NDEL1: variants seen among roughly 807,000 people sequenced by gnomAD.
The protein encoded by NDEL1 is nuclear distribution protein nudE-like 1.
NDEL1 carries 9 observed loss-of-function variants against 45.7 expected under a neutral mutation model. That is an observed-to-expected ratio of 0.20 (90% CI 0.12 to 0.34). The LOEUF is 0.34. Among genes scored for constraint, NDEL1 ranks in the 10% least tolerant of loss-of-function variants. The pLI is 1.00. For synonymous variants in NDEL1, 133 were observed against 158.6 expected (o/e 0.84, Z 1.21); for missense variants, 306 against 406.2 (o/e 0.75, Z 2.12).
chr17:8,459,931 T>C, intron 7 of NDEL1, 78 bp from the exon 8 acceptor site: 2 of 1,448,518 alleles, frequency 1.4e-6, no homozygotes, highest in African/African-American at 1.4e-5. Flanking sequence ...AGGCTTGAAA[T>C]AGAAATGGTT....
intron 1 of NDEL1, among the ~76,000 whole-genome samples, chr17:8,418,983 A>G (rs4791702): frequency 0.39 from 59,187 of 151,518 alleles, 11,731 homozygotes; most frequent in Non-Finnish European, 0.41. Flanking sequence ...CAAGTAGCTG[A>G]GACTATAAGC....
downstream of NDEL1, among the ~76,000 whole-genome samples, chr17:8,469,141 C>T (rs573331798): frequency 6.6e-6 from 1 of 152,172 alleles, no homozygotes. Flanking sequence ...TCTCCAGGGA[C>T]ACTCGCGGTG....
intron 2 of NDEL1, chr17:8,444,580 C>G: frequency 2.4e-6 from 1 of 410,270 alleles, no homozygotes; most frequent in Non-Finnish European, 4.4e-6. Context: ...GGAAAACTGT[C>G]ATTTATGATT....
downstream of NDEL1, among the ~76,000 whole-genome samples, chr17:8,471,678 T>G (rs954227320): frequency 1.3e-5 from 2 of 152,256 alleles, no homozygotes; most frequent in Admixed American, 1.3e-4. Flanking sequence ...GTAGCTATAG[T>G]GAATGCCTTT....
intron 8 of NDEL1, chr17:8,462,737 G>A (rs574749293): frequency 3.3e-5 from 5 of 152,458 alleles, no homozygotes; most frequent in African/African-American, 1.2e-4. Context: ...GCACCGTGGT[G>A]ATGGCTCACT....
chr17:8,470,078 C>T (rs930572049), downstream of NDEL1, among the ~76,000 whole-genome samples: 13 of 152,000 alleles, frequency 8.6e-5, no homozygotes, highest in Admixed American at 5.2e-4. This position sits in a 1 kb window ranked among gnomAD's most constrained non-coding sequence, Gnocchi z 4.2. Flanking sequence ...CAGCCAACTC[C>T]CTGGCTCATC....
At chr17:8,433,078 T>G (rs1470447793), upstream of NDEL1, among the ~76,000 whole-genome samples, 1 of 151,730 alleles carries the variant, frequency 6.6e-6, no homozygotes, top group African/African-American at 2.4e-5. Flanking sequence ...AAGCGAAGTT[T>G]CATTCTTGGT....
chr17:8,424,278 G>C (rs751857614), intron 1 of NDEL1, among the ~76,000 whole-genome samples: 2 of 152,166 alleles, frequency 1.3e-5, no homozygotes, highest in Admixed American at 1.3e-4. Context: ...CTTCTGTAAC[G>C]TTGTTACCAT....
intron 5 of NDEL1, among the ~76,000 whole-genome samples, chr17:8,449,818 C>T (rs7207330): frequency 0.41 from 62,616 of 151,948 alleles, 12,857 homozygotes; most frequent in South Asian, 0.45. Flanking sequence ...CTTGCTATTG[C>T]GAATGATACC....
chr17:8,440,822 C>T (rs187142601), intron 1 of NDEL1, among the ~76,000 whole-genome samples: 154 of 152,298 alleles, frequency 1.0e-3, no homozygotes, highest in Admixed American at 4.2e-3. Flanking sequence ...CTCTTCAAAG[C>T]ATTAACTGCT....
chr17:8,457,058 C>G (rs1290476827), intron 7 of NDEL1, among the ~76,000 whole-genome samples: 2 of 152,172 alleles, frequency 1.3e-5, no homozygotes, highest in East Asian at 3.8e-4. Flanking sequence ...GAATTTTGTT[C>G]TTTAACTGTA....
chr17:8,457,110 G>A (rs891245018), intron 7 of NDEL1, among the ~76,000 whole-genome samples: 1 of 152,260 alleles, frequency 6.6e-6, no homozygotes, highest in East Asian at 1.9e-4. Flanking sequence ...ATTTCGTATT[G>A]TAGCTGACTG....
chr17:8,468,759 A>G (rs1227744178), downstream of NDEL1, among the ~76,000 whole-genome samples: 1 of 152,360 alleles, frequency 6.6e-6, no homozygotes, highest in East Asian at 1.9e-4. Context: ...ACCCTAAGAG[A>G]CTTCGGGAGG....
intron 1 of NDEL1, among the ~76,000 whole-genome samples, chr17:8,443,040 A>G (rs1367055865): frequency 6.6e-6 from 1 of 152,074 alleles, no homozygotes; most frequent in Non-Finnish European, 1.5e-5. Context: ...CGGCCTCCCA[A>G]AGTGCTGGGA....
chr17:8,431,997 T>A (rs1210255505), upstream of NDEL1: 1 of 151,270 alleles, frequency 6.6e-6, no homozygotes, highest in Non-Finnish European at 1.5e-5. Context: ...GTAGCTGGGA[T>A]TACAGGCACA....
intron 1 of NDEL1, among the ~76,000 whole-genome samples, chr17:8,417,658 C>A (rs1015266286): frequency 2.0e-5 from 3 of 152,258 alleles, no homozygotes; most frequent in Admixed American, 2.0e-4. Context: ...GCTCCAATCT[C>A]CTGCCTGGAG....
chr17:8,417,475 G>A (rs1908572020), intron 1 of NDEL1, among the ~76,000 whole-genome samples: 2 of 152,172 alleles, frequency 1.3e-5, no homozygotes, highest in Admixed American at 1.3e-4. Context: ...TCAAATGTTT[G>A]CTGATTCCTT....
chr17:8,445,962 TA>T, intron 3 of NDEL1, 98 bp downstream of exon 3: 1 of 1,235,306 alleles, frequency 8.1e-7, no homozygotes. Flanking sequence ...CGACAAAAAA[TA>T]GTTTGAAAAA....
chr17:8,469,709 T>C (rs1911788016), downstream of NDEL1, among the ~76,000 whole-genome samples: 1 of 151,038 alleles, frequency 6.6e-6, no homozygotes, highest in Admixed American at 6.6e-5. Flanking sequence ...TAGTGACTTT[T>C]TTTTTTTTTT....
Sources: allele counts gnomAD v4.1 joint callset (sites outside exome capture counted in the v4.1 genomes callset), GRCh38; gene constraint gnomAD v4.1.1; non-coding constraint Gnocchi (gnomAD v3.1); transcripts MANE v1.5; gene names NCBI Gene and HGNC (gene_info 2026-07-23, HGNC 2026-07-21).